Variants in SCN8A observed in about 807,000 individuals in gnomAD.
SCN8A encodes the protein sodium channel protein type 8 subunit alpha.
In SCN8A, 30 loss-of-function variants were observed where a neutral mutation model predicts 184.1. The ratio of observed to expected loss-of-function variants is 0.16; its 90% confidence interval spans 0.12 to 0.22. SCN8A has a LOEUF of 0.22. Among genes scored for constraint, SCN8A ranks in the 10% least tolerant of loss-of-function variants. The pLI, the probability that SCN8A is intolerant of heterozygous loss-of-function variation, is 1.00. For synonymous variants in SCN8A, 852 were observed against 907.0 expected (o/e 0.94, Z 1.09); for missense variants, 1,057 against 2,498.9 (o/e 0.42, Z 12.30).
At chr12:51,712,750 C>A in intron 11 of SCN8A, 2 of 1,141,916 alleles carry the variant, frequency 1.8e-6, no homozygotes, top group African/African-American at 1.5e-5. Context: ...ATAGCCCCCT[C>A]TACTACTATA....
rs1939499887 is a variant in SCN8A at position 51,602,940 on chromosome 12, TTTC to T, written c.-55+11587_-55+11589del. ...GAATGGCAAATATTATTTTCCTTTT[TTTC>T]TTCTTAATCTACCCAAGATAGTATT... On this transcript the variant is annotated intron_variant, in intron 1 of 26. Coordinates refer to ENST00000627620, the MANE Select transcript of SCN8A (RefSeq NM_001330260.2). 3.3e-5 allele frequency among the ~76,000 whole-genome samples: 5 copies of T among 152,354 alleles called. No individual in the cohort carries two copies. The South Asian group carries it at 1.0e-3, about 32-fold the overall frequency.
At chr12:51,724,686 A>C (rs1291107694) in intron 12 of SCN8A, among the ~76,000 whole-genome samples, 1 of 152,238 alleles carries the variant, frequency 6.6e-6, no homozygotes, top group African/African-American at 2.4e-5. Flanking sequence ...GGGGCAATTC[A>C]AATGTTTAGA....
intron 13 of SCN8A, among the ~76,000 whole-genome samples, chr12:51,749,570 T>A (rs1942565272): frequency 6.6e-6 from 1 of 151,960 alleles, no homozygotes; most frequent in Non-Finnish European, 1.5e-5. Flanking sequence ...AGGGAGGGAG[T>A]TCTCTGAGGA....
chr12:51,707,024 T>C (rs986788455), intron 11 of SCN8A, among the ~76,000 whole-genome samples: 11 of 152,192 alleles, frequency 7.2e-5, no homozygotes, highest in Non-Finnish European at 1.3e-4. Flanking sequence ...GTTCCATCTA[T>C]GTTGCTGCAA....
At chr12:51,694,919 T>C (rs771048394) in intron 6 of SCN8A, among the ~76,000 whole-genome samples, 18 of 152,338 alleles carry the variant, frequency 1.2e-4, no homozygotes, top group Non-Finnish European at 1.6e-4. Context: ...TCTCCATAAA[T>C]TGGCATTGAT....
chr12:51,683,919 C>T (rs1029936681), intron 2 of SCN8A, among the ~76,000 whole-genome samples: 2 of 152,102 alleles, frequency 1.3e-5, no homozygotes, highest in Admixed American at 6.6e-5. Context: ...ATTCAAATGG[C>T]CTGTTTCTGA....
At chr12:51,765,319 A>T (rs2138861915) in intron 15 of SCN8A, among the ~76,000 whole-genome samples, 1 of 152,162 alleles carries the variant, frequency 6.6e-6, no homozygotes, top group African/African-American at 2.4e-5. Flanking sequence ...ATCACATTTT[A>T]TTTCACTTGT....
intron 1 of SCN8A, among the ~76,000 whole-genome samples, chr12:51,627,424 C>G (rs1292545741): frequency 6.6e-6 from 1 of 152,176 alleles, no homozygotes; most frequent in African/African-American, 2.4e-5. Context: ...GCTCTGTTGC[C>G]AGGGAGGAGT....
At chr12:51,641,494 T>C (rs1019034073) in intron 1 of SCN8A, among the ~76,000 whole-genome samples, 1 of 152,246 alleles carries the variant, frequency 6.6e-6, no homozygotes, top group African/African-American at 2.4e-5. Context: ...CTGCTACTTA[T>C]TATCTTTGTG....
chr12:51,714,268 TTGTACTC>T (rs1941929843), intron 11 of SCN8A, among the ~76,000 whole-genome samples: 2 of 152,230 alleles, frequency 1.3e-5, no homozygotes, highest in South Asian at 4.1e-4. Context: ...AACAGTAACT[TTGTACTC>T]TGTTATAGTA....
chr12:51,743,330 G>T (rs1238665218), intron 12 of SCN8A, among the ~76,000 whole-genome samples: 2 of 152,042 alleles, frequency 1.3e-5, no homozygotes, highest in Non-Finnish European at 2.9e-5. Context: ...TTCGCAATCT[G>T]GGCTTGTTTG....
chr12:51,740,213 TGTTTATGGCCAGTTTTGGGGCCA>T (rs1942398057), intron 12 of SCN8A, among the ~76,000 whole-genome samples: 2 of 152,250 alleles, frequency 1.3e-5, no homozygotes, highest in South Asian at 4.1e-4. Context: ...GCAGAGATTT[TGTTTATGGCCAGTTTTGGGGCCA>T]GTTTATGGCC....
chr12:51,779,439 A>C (rs1937825797), intron 20 of SCN8A, among the ~76,000 whole-genome samples: 1 of 152,152 alleles, frequency 6.6e-6, no homozygotes, highest in South Asian at 2.1e-4. Flanking sequence ...AGAGCAGGAA[A>C]GTGTTTGACC....
At chr12:51,604,597 T>G (rs1939543662) in intron 1 of SCN8A, among the ~76,000 whole-genome samples, 1 of 152,170 alleles carries the variant, frequency 6.6e-6, no homozygotes, top group Non-Finnish European at 1.5e-5. Context: ...TGTCACGATC[T>G]CAGCTCACCG....
intron 1 of SCN8A, among the ~76,000 whole-genome samples, chr12:51,613,448 A>G (rs1242995050): frequency 1.3e-5 from 2 of 152,022 alleles, no homozygotes; most frequent in Non-Finnish European, 2.9e-5. Context: ...GTCTATGGTG[A>G]TATACTTTCT....
At chr12:51,744,300 A>C (rs1346890185) in intron 12 of SCN8A, among the ~76,000 whole-genome samples, 6 of 152,198 alleles carry the variant, frequency 3.9e-5, no homozygotes, top group African/African-American at 1.4e-4. Context: ...AGACTCTCAA[A>C]AAGCAAAAAC....
chr12:51,786,525 C>T lies in SCN8A; in HGVS notation c.3943-17C>T, dbSNP rs1057523298. 2 of 1,613,960 alleles carry T rather than the reference C, an allele frequency of 1.2e-6. No individual in the cohort carries two copies. The highest frequency in any genetic ancestry group is 1.7e-5 in the Admixed American group (1 of 59,978). On this transcript the variant is annotated splice_polypyrimidine_tract_variant and intron_variant, in intron 21 of 26. Transcript: ENST00000627620. ...TCATTTCCACCCAACACTGAGCAACCTCCCCTTCCAATGCAGGTGGTGGTG... is the reference window on the plus strand; with the variant it reads ...TCATTTCCACCCAACACTGAGCAACTTCCCCTTCCAATGCAGGTGGTGGTG...
chr12:51,793,556 C>T lies in SCN8A; in HGVS notation c.4525-815C>T, dbSNP rs145323664. ...TAAGCAGCAGGAATAGATGAGCTCT[C>T]ATAGAGCAAAAATTTAGAGAAAGAA... On this transcript the variant is annotated intron_variant, in intron 25 of 26. Transcript: ENST00000627620. Among the ~76,000 whole-genome samples the T allele has an allele frequency of 2.4e-3, 358 of 152,134 alleles. 1 individual carries two copies. The highest frequency in any genetic ancestry group is 3.7e-3 in the Non-Finnish European group (251 of 68,000).
chr12:51,713,257 A>G (rs777735520), intron 11 of SCN8A: 11 of 1,144,502 alleles, frequency 9.6e-6, no homozygotes, highest in Non-Finnish European at 1.3e-5. Flanking sequence ...ACCAGGCTTC[A>G]CAGAATCCTC....
Sources: allele counts gnomAD v4.1 joint callset (sites outside exome capture counted in the v4.1 genomes callset), GRCh38; gene constraint gnomAD v4.1.1; transcripts MANE v1.5; gene names NCBI Gene and HGNC (gene_info 2026-07-23, HGNC 2026-07-21).